The following FIS1 variants were observed in gnomAD, a reference collection of about 807,000 sequenced individuals.
FIS1 encodes fission, mitochondrial 1, also known as mitochondrial fission 1 protein.
Under a neutral mutation model 21.6 loss-of-function variants are expected in FIS1, and 16 were observed. That is an observed-to-expected ratio of 0.74 (90% CI 0.50 to 1.12). FIS1 has a LOEUF of 1.12. FIS1 is among the 50% of genes most tolerant of loss of function. The probability of loss-of-function intolerance (pLI) is 0.00; values close to 1 mark genes in which losing one functional copy is unlikely to be tolerated. For synonymous variants in FIS1, 92 were observed against 82.2 expected (o/e 1.12, Z -0.65); for missense variants, 198 against 190.9 (o/e 1.04, Z -0.22).
intron 2 of FIS1, 35 bp from the exon 3 acceptor site, chr7:101,240,941 TCTTTCCTAATA>T (rs752127401): frequency 3.3e-5 from 53 of 1,598,056 alleles, no homozygotes; most frequent in Non-Finnish European, 4.1e-5. Flanking sequence ...GAGAAATGCT[TCTTTCCTAATA>T]CTTTCCTAAT....
Position 101,239,544 on chromosome 7 carries a change from G to T in FIS1, c.*262C>A, listed in dbSNP as rs1354262183. 3.6e-6 allele frequency: 2 copies of T among 547,952 alleles called. No individual in the cohort carries two copies. 33.9% of individuals were successfully genotyped at this position (547,952 alleles called of 1,614,324 possible). The stretch of plus-strand genomic sequence containing the variant: ...GAGGGCAGGGGCAGGAGAGGACCAG[G>T]AGTGACGTCTCCGCCCCCTGTGCCC... On this transcript the variant is annotated 3_prime_UTR_variant, in exon 5 of 5. Coordinates refer to ENST00000223136, the MANE Select transcript of FIS1 (RefSeq NM_016068.3).
At position 101,239,710 on chromosome 7, in the gene FIS1, A is replaced by G; in HGVS notation, c.*96T>C. 1 of 1,016,904 alleles carries G rather than the reference A, an allele frequency of 9.8e-7. No individual in the cohort carries two copies. Among genetic ancestry groups the G allele is most frequent in the Non-Finnish European group, 1.5e-6 (1 of 660,074 alleles). The allele number at this position is 1,016,904 out of a possible 1,614,324, so 63.0% of individuals were successfully genotyped here. ...GGAGCAGAAATTAGCTGAAGGCCAC[A>G]GAGGATAGAGACGGGGGGCAGGGGG... On this transcript the variant is annotated 3_prime_UTR_variant, in exon 5 of 5. Coordinates refer to ENST00000223136, the MANE Select transcript of FIS1 (RefSeq NM_016068.3).
In FIS1 at chr7:101,239,504, C is replaced by T. The variant is rs1798701850; in HGVS notation, c.*302G>A. The T allele has an allele frequency of 2.2e-6, 1 of 464,730 alleles. No individual in the cohort carries two copies. Among genetic ancestry groups the T allele is most frequent in the Non-Finnish European group, 4.0e-6 (1 of 249,476 alleles). 28.8% of individuals were successfully genotyped at this position (464,730 alleles called of 1,614,324 possible). A position where few individuals can be genotyped will look rare whatever the true frequency, so the allele number is the denominator to read the frequency against. On this transcript the variant is annotated 3_prime_UTR_variant, in exon 5 of 5. Coordinates refer to ENST00000223136, the MANE Select transcript of FIS1 (RefSeq NM_016068.3). The stretch of plus-strand genomic sequence containing the variant: ...TCTGGGCTGCGGGGTGGACAAAGAA[C>T]CCCGTGCCAACCTGGAGGGCAGGGG...
At chr7:101,241,637 C>CATT (rs1713371895) in intron 2 of FIS1, 1 of 116,664 alleles carries the variant, frequency 8.6e-6, no homozygotes, top group African/African-American at 3.6e-5. Context: ...GTCTTCCTTC[C>CATT]TTTTTTTTTT....
chr7:101,244,418 C>A (rs1798786821), intron 1 of FIS1: 1 of 427,020 alleles, frequency 2.3e-6, no homozygotes, highest in Non-Finnish European at 4.3e-6. Context: ...GAGCAGCTGA[C>A]CCCGGCGGCC....
At position 101,243,999 on chromosome 7, in the gene FIS1, C is replaced by T. The variant is rs769151685; in HGVS notation, c.178+8G>A. The stretch of plus-strand genomic sequence containing the variant: ...TGGCAGCGGGAAAGGGAGAGTACAG[C>T]GCCTCACCCTCGAGCAGCACGATGC... On this transcript the variant is annotated splice_region_variant and intron_variant, in intron 2 of 4. Transcript: ENST00000223136. The T allele has an allele frequency of 1.9e-6, 3 of 1,611,286 alleles. No homozygotes were observed. The highest frequency in any genetic ancestry group is 2.5e-6 in the Non-Finnish European group (3 of 1,178,856).
rs374953576 is a variant in FIS1 at position 101,240,813 on chromosome 7, C to G, written c.255+17G>C. On this transcript the variant is annotated intron_variant, in intron 3 of 4. Transcript: ENST00000223136. ...CAGCCCCAGAGGAGGGTGAAGGGAACGGGGTCCCCACCTCACCTTGAGCCG... is the reference window on the plus strand; with the variant it reads ...CAGCCCCAGAGGAGGGTGAAGGGAAGGGGGTCCCCACCTCACCTTGAGCCG... 6.2e-7 allele frequency: 1 copy of G among 1,612,742 alleles called. No homozygotes were observed. Among genetic ancestry groups the G allele is most frequent in the South Asian group, 1.1e-5 (1 of 91,042 alleles).
At position 101,239,860 on chromosome 7, in the gene FIS1, A is replaced by C; in HGVS notation, c.405T>G (p.Gly135=). The change falls in exon 5 of 5, where the codon GGT becomes GGG. Residue 135 remains glycine, a synonymous_variant. Transcript: ENST00000223136. ...CGATGAGTCCGGCCAGTCCCGCCACACCCAGGGCCATGCCTCCCACGATGG... is the reference window on the plus strand; with the variant it reads ...CGATGAGTCCGGCCAGTCCCGCCACCCCCAGGGCCATGCCTCCCACGATGG... The part of the protein sequence containing the change: ...GMAIVGGMAL[G]VAGLAGLIGL... The C allele has an allele frequency of 6.2e-7, 1 of 1,609,298 alleles. No homozygotes were observed. Among genetic ancestry groups the C allele is most frequent in the Non-Finnish European group, 8.5e-7 (1 of 1,178,050 alleles).
chr7:101,242,485 T>C (rs978126348), intron 2 of FIS1, among the ~76,000 whole-genome samples: 6 of 146,516 alleles, frequency 4.1e-5, no homozygotes, highest in Non-Finnish European at 7.4e-5. Context: ...CTTATTTTTA[T>C]AGTTTTTTTT....
intron 2 of FIS1, among the ~76,000 whole-genome samples, chr7:101,243,787 C>T (rs1040185670): frequency 1.3e-5 from 2 of 152,154 alleles, no homozygotes; most frequent in Non-Finnish European, 2.9e-5. Flanking sequence ...AAGTCACTTT[C>T]CCAGATCAAG....
rs1584269922 is a variant in FIS1 at position 101,239,527 on chromosome 7, G to C, written c.*279C>G. 2.0e-6 allele frequency: 1 copy of C among 508,438 alleles called. No individual in the cohort carries two copies. The highest frequency in any genetic ancestry group is 3.6e-6 in the Non-Finnish European group (1 of 275,738). 31.5% of individuals were successfully genotyped at this position (508,438 alleles called of 1,614,324 possible). On this transcript the variant is annotated 3_prime_UTR_variant, in exon 5 of 5. Coordinates refer to ENST00000223136, the MANE Select transcript of FIS1 (RefSeq NM_016068.3). The stretch of plus-strand genomic sequence containing the variant: ...AACCCCGTGCCAACCTGGAGGGCAG[G>C]GGCAGGAGAGGACCAGGAGTGACGT...
intron 2 of FIS1, chr7:101,241,651 T>A (rs1354239602): frequency 6.8e-6 from 1 of 146,930 alleles, no homozygotes; most frequent in Non-Finnish European, 1.5e-5. Flanking sequence ...TTTTTTTTTT[T>A]TTTTTTTTTT....
intron 3 of FIS1, among the ~76,000 whole-genome samples, chr7:101,240,459 G>A (rs1313322198): frequency 6.6e-6 from 1 of 152,108 alleles, no homozygotes; most frequent in African/African-American, 2.4e-5. Context: ...CCACTGGGCC[G>A]GCTACACCTC....
Position 101,245,010 on chromosome 7 carries a change from C to A in FIS1, c.-6G>T. 6.2e-7 allele frequency: 1 copy of A among 1,613,916 alleles called. No homozygotes were observed. ...TCGTTCAGCACGGCCTCCATGGCCACTGCCCCCGCGAGCCTCACACTACAG... is the reference window on the plus strand; with the variant it reads ...TCGTTCAGCACGGCCTCCATGGCCAATGCCCCCGCGAGCCTCACACTACAG... On this transcript the variant is annotated 5_prime_UTR_variant, in exon 1 of 5. Coordinates refer to ENST00000223136, the MANE Select transcript of FIS1 (RefSeq NM_016068.3).
At chr7:101,242,906 T>C (rs1487400005) in intron 2 of FIS1, among the ~76,000 whole-genome samples, 1 of 152,184 alleles carries the variant, frequency 6.6e-6, no homozygotes, top group Non-Finnish European at 1.5e-5. Context: ...TGCATCTGTA[T>C]TGAACATGAA....
intron 4 of FIS1, 34 bp downstream of exon 4, chr7:101,240,108 G>C (rs1477891783): frequency 1.2e-6 from 2 of 1,604,308 alleles, no homozygotes; most frequent in Non-Finnish European, 1.7e-6. Context: ...GCGTGGGGAA[G>C]AGCGGGGCTG....
intron 4 of FIS1, 103 bp from the exon 5 acceptor site, chr7:101,240,006 G>T: frequency 7.1e-7 from 1 of 1,403,932 alleles, no homozygotes. Context: ...CCCCTACCTG[G>T]AGTCGCAGGG....
chr7:101,241,289 C>T (rs368710817), intron 2 of FIS1: 23 of 186,208 alleles, frequency 1.2e-4, no homozygotes, highest in African/African-American at 4.7e-4. Context: ...GGCGTGATCT[C>T]GGCTCACTGC....
chr7:101,241,013 G>C (rs1798740540), intron 2 of FIS1, 107 bp from the exon 3 acceptor site: 6 of 1,076,888 alleles, frequency 5.6e-6, no homozygotes, highest in Non-Finnish European at 8.4e-6. Flanking sequence ...GTGATCCTGG[G>C]AGGGTCACAG....
Sources: gnomAD v4.1 joint callset for allele counts (sites outside exome capture counted in the v4.1 genomes callset) on GRCh38, gnomAD v4.1.1 for gene constraint, MANE v1.5 for transcripts, NCBI Gene and HGNC (gene_info 2026-07-23, HGNC 2026-07-21) for gene names.